The following MBD5 variants were observed in gnomAD, a reference collection of about 807,000 sequenced individuals.
MBD5 encodes the protein methyl-CpG-binding domain protein 5.
In MBD5, 13 loss-of-function variants were observed where a neutral mutation model predicts 117.3. The observed-to-expected ratio is 0.11, with a 90% confidence interval of 0.07 to 0.18. The LOEUF (loss-of-function observed/expected upper bound fraction) is 0.18, where lower values mean the gene tolerates loss of function less well. MBD5 is among the 10% of genes least tolerant of loss of function. MBD5 has a pLI of 1.00. For missense variants in MBD5, 1,879 were observed against 2,093.8 expected, an observed-to-expected ratio of 0.90 and a Z score of 2.00; for synonymous variants, 727 against 766.4, an observed-to-expected ratio of 0.95 and a Z score of 0.85.
intron 3 of MBD5, among the ~76,000 whole-genome samples, chr2:148,323,040 C>A (rs1192925791): frequency 6.7e-6 from 1 of 150,342 alleles, no homozygotes; most frequent in Non-Finnish European, 1.5e-5. Context: ...GTTCCCCTTC[C>A]TGTGTCCATG....
At chr2:148,106,576 TA>T (rs1696378845) in intron 1 of MBD5, among the ~76,000 whole-genome samples, 3 of 151,942 alleles carry the variant, frequency 2.0e-5, no homozygotes, top group African/African-American at 7.2e-5. Context: ...TATTTGAATT[TA>T]TTTCCACCAC....
chr2:148,168,365 C>G (rs1326304183), intron 1 of MBD5, among the ~76,000 whole-genome samples: 2 of 152,130 alleles, frequency 1.3e-5, no homozygotes, highest in Non-Finnish European at 2.9e-5. Flanking sequence ...ATAGAACTTT[C>G]TAGCACTGAA....
chr2:148,399,393 G>A (rs905638104), intron 4 of MBD5, among the ~76,000 whole-genome samples: 1 of 151,728 alleles, frequency 6.6e-6, no homozygotes, highest in Non-Finnish European at 1.5e-5. Flanking sequence ...GGATTCCTAG[G>A]TATTTTATTC....
chr2:148,408,660 G>C (rs1705154895), intron 4 of MBD5, among the ~76,000 whole-genome samples: 1 of 152,012 alleles, frequency 6.6e-6, no homozygotes, highest in South Asian at 2.1e-4. Context: ...TATGTAATTT[G>C]GGTAATTGGG....
chr2:148,499,948 G>T (rs906987120), intron 11 of MBD5, among the ~76,000 whole-genome samples: 1 of 152,068 alleles, frequency 6.6e-6, no homozygotes, highest in Non-Finnish European at 1.5e-5. Flanking sequence ...TTCTGAATAT[G>T]TATGATCTTG....
Position 148,135,549 on chromosome 2 carries a change from A to G in MBD5, c.-924-43151A>G, listed in dbSNP as rs187971484. On this transcript the variant is annotated intron_variant, in intron 1 of 13. Transcript: ENST00000642680. The stretch of plus-strand genomic sequence containing the variant: ...AAGTTTTCTTCTATCTTCTCCAGCA[A>G]CTTTATTCTAGGAGCCCCCTAGGTT... Among the ~76,000 whole-genome samples, 186 of 152,184 alleles carry G rather than the reference A, an allele frequency of 1.2e-3. 1 individual carries two copies. The highest frequency in any genetic ancestry group is 1.4e-3 in the Admixed American group (22 of 15,280).
chr2:148,293,129 C>T lies in MBD5; in HGVS notation c.-679-49085C>T, dbSNP rs865936814. ...AGGAGTTCGAGACCAGCCTGAGCAACGTAGTGAAACCTTGCCTCAAAAAAA... is the reference window on the plus strand; with the variant it reads ...AGGAGTTCGAGACCAGCCTGAGCAATGTAGTGAAACCTTGCCTCAAAAAAA... On this transcript the variant is annotated intron_variant, in intron 3 of 13. Coordinates refer to ENST00000642680, the MANE Select transcript of MBD5 (RefSeq NM_001378120.1). 9.9e-4 allele frequency among the ~76,000 whole-genome samples: 130 copies of T among 131,730 alleles called. 1 individual carries two copies. Among genetic ancestry groups the T allele is most frequent in the African/African-American group, 3.6e-3 (125 of 34,714 alleles). The allele number at this position is 131,730 out of a possible 152,430, so 86.4% of individuals were successfully genotyped here.
At chr2:148,350,344 A>G (rs1268802258) in intron 4 of MBD5, among the ~76,000 whole-genome samples, 1 of 152,048 alleles carries the variant, frequency 6.6e-6, no homozygotes, top group Non-Finnish European at 1.5e-5. Context: ...ATTAAAACCT[A>G]CAGCAACAGT....
At chr2:148,200,823 G>A (rs1408896156) in intron 2 of MBD5, among the ~76,000 whole-genome samples, 1 of 148,444 alleles carries the variant, frequency 6.7e-6, no homozygotes, top group Non-Finnish European at 1.5e-5. Flanking sequence ...AACTTCTAAA[G>A]AAGTTCTTCT....
intron 1 of MBD5, among the ~76,000 whole-genome samples, chr2:148,042,202 A>G (rs1000961816): frequency 6.6e-6 from 1 of 152,188 alleles, no homozygotes; most frequent in Admixed American, 6.5e-5. Flanking sequence ...ATAAGAATCT[A>G]TGTGGATATA....
intron 3 of MBD5, among the ~76,000 whole-genome samples, chr2:148,338,703 G>A (rs187453173): frequency 6.6e-6 from 1 of 152,188 alleles, no homozygotes; most frequent in Non-Finnish European, 1.5e-5. Flanking sequence ...ACAGTTTAGA[G>A]ATCTGAGTCA....
At chr2:148,359,926 A>G (rs1324088923) in intron 4 of MBD5, among the ~76,000 whole-genome samples, 1 of 152,134 alleles carries the variant, frequency 6.6e-6, no homozygotes, top group Non-Finnish European at 1.5e-5. Context: ...ATAGATTATT[A>G]GGGACTCTCA....
intron 1 of MBD5, among the ~76,000 whole-genome samples, chr2:148,050,854 G>A (rs1262311304): frequency 6.6e-6 from 1 of 152,016 alleles, no homozygotes; most frequent in Non-Finnish European, 1.5e-5. Context: ...CCTTACTATA[G>A]TTTTTTTGTT....
chr2:148,241,062 G>A (rs1351437248), intron 3 of MBD5, among the ~76,000 whole-genome samples: 1 of 151,208 alleles, frequency 6.6e-6, no homozygotes, highest in African/African-American at 2.4e-5. Flanking sequence ...TGTTCTATTG[G>A]CTGCTCTTTC....
rs571677901 is a variant in MBD5, at chr2:148,421,296, A to G, written c.-556-36907A>G. On this transcript the variant is annotated intron_variant, in intron 4 of 13. Transcript: ENST00000642680. The stretch of plus-strand genomic sequence containing the variant: ...AGGGAAAGCCAAAGCAGGGTGGGGC[A>G]TCGCCTCACCTGGGAAGCACAAGCG... 3.3e-5 allele frequency among the ~76,000 whole-genome samples: 5 copies of G among 152,294 alleles called. No homozygotes were observed. The East Asian group carries it at 9.7e-4, about 30-fold the overall frequency.
intron 4 of MBD5, among the ~76,000 whole-genome samples, chr2:148,455,838 A>G (rs190180666): frequency 6.6e-6 from 1 of 152,208 alleles, no homozygotes; most frequent in African/African-American, 2.4e-5. Context: ...GAGACCACTG[A>G]AGAGATTTCT....
chr2:148,385,390 C>T (rs1704319186), intron 4 of MBD5, among the ~76,000 whole-genome samples: 1 of 152,128 alleles, frequency 6.6e-6, no homozygotes, highest in African/African-American at 2.4e-5. Context: ...CAGAGAAATG[C>T]AAATCAAAAC....
At chr2:148,474,378 A>G (rs567223958) in intron 8 of MBD5, among the ~76,000 whole-genome samples, 1 of 152,298 alleles carries the variant, frequency 6.6e-6, no homozygotes, top group South Asian at 2.1e-4. Flanking sequence ...GCAGTTTTTC[A>G]CGATTTTCAA....
At chr2:148,218,983 C>A (rs1432925762) in intron 2 of MBD5, among the ~76,000 whole-genome samples, 1 of 152,138 alleles carries the variant, frequency 6.6e-6, no homozygotes, top group Non-Finnish European at 1.5e-5. Context: ...TCTACAATAA[C>A]AAATTAACCT....
Sources: gnomAD v4.1 joint callset for allele counts (sites outside exome capture counted in the v4.1 genomes callset) on GRCh38, gnomAD v4.1.1 for gene constraint, MANE v1.5 for transcripts, NCBI Gene and HGNC (gene_info 2026-07-23, HGNC 2026-07-21) for gene names.